Variants in CPED1 observed in about 807,000 individuals in gnomAD.
The protein encoded by CPED1 is cadherin-like and PC-esterase domain-containing protein 1.
A neutral mutation model predicts 128.2 loss-of-function variants in CPED1; 114 were observed. The observed-to-expected ratio is 0.89, with a 90% CI of 0.76 to 1.04. The LOEUF is 1.04. Ranked by LOEUF, CPED1 falls within the 50% of genes least tolerant of loss-of-function variation. The pLI is 0.00. For missense variants in CPED1, 1,211 were observed against 1,207.1 expected (o/e 1.00, Z -0.05); for synonymous variants, 462 against 426.7 (o/e 1.08, Z -1.02).
Position 121,189,760 on chromosome 7 carries a change from TTATA to T in CPED1, c.2056-46919_2056-46916del, listed in dbSNP as rs377035175. 5.3e-3 allele frequency among the ~76,000 whole-genome samples: 253 copies of T among 47,474 alleles called. 3 individuals are homozygous for T. Among genetic ancestry groups the T allele is most frequent in the South Asian group, 0.033 (29 of 888 alleles). 31.1% of individuals were successfully genotyped at this position (47,474 alleles called of 152,430 possible). On this transcript the variant is annotated intron_variant, in intron 16 of 22. Transcript: ENST00000310396. ...TCTTATTTTACTTTCTTATGAGGTT[TTATA>T]TATATATATATATATATATATATAT... is the stretch of plus-strand genomic sequence containing the variant.
chr7:121,219,789 T>C (rs1797838296), intron 16 of CPED1, among the ~76,000 whole-genome samples: 1 of 152,054 alleles, frequency 6.6e-6, no homozygotes, highest in Non-Finnish European at 1.5e-5. Flanking sequence ...TCAAGTTCCA[T>C]TATTTTTAAT....
Position 121,100,141 on chromosome 7 carries a change from A to G in CPED1, c.918+47A>G, listed in dbSNP as rs775978243. On this transcript the variant is annotated intron_variant, in intron 7 of 22. Coordinates refer to ENST00000310396, the MANE Select transcript of CPED1 (RefSeq NM_024913.5). ...TTATTTCACGTAAGTACACTGAAGT[A>G]AAGTAAAGTGAGTTGGGCTGCCATT... 22 of 1,566,482 alleles carry G rather than the reference A, an allele frequency of 1.4e-5. No homozygotes were observed. In the East Asian group the frequency reaches 4.1e-4, roughly 29 times the overall value.
At chr7:121,237,800 G>A (rs892664479) in intron 17 of CPED1, among the ~76,000 whole-genome samples, 1 of 152,090 alleles carries the variant, frequency 6.6e-6, no homozygotes, top group Non-Finnish European at 1.5e-5. Context: ...CAAATGGGCA[G>A]GACAAATTGC....
Position 121,049,476 on chromosome 7 carries a change from C to T in CPED1, c.540+2483C>T, listed in dbSNP as rs116008473. 7.6e-3 allele frequency among the ~76,000 whole-genome samples: 1,163 copies of T among 152,304 alleles called. 18 individuals are homozygous for T. The highest frequency in any genetic ancestry group is 0.027 in the African/African-American group (1,117 of 41,548). ...TCTCTTGCCAGTGCCTCCCATTGGT[C>T]CGAGCTAACTGCTGGTCAAAGGGCA... On this transcript the variant is annotated intron_variant, in intron 4 of 22. Coordinates refer to ENST00000310396, the MANE Select transcript of CPED1 (RefSeq NM_024913.5).
chr7:121,059,211 G>A (rs920447496), intron 4 of CPED1, among the ~76,000 whole-genome samples: 3 of 152,198 alleles, frequency 2.0e-5, no homozygotes, highest in African/African-American at 7.2e-5. Flanking sequence ...AGTCCCTAAA[G>A]CTAGGATGCT....
At chr7:121,280,374 C>T (rs1299886692) in intron 22 of CPED1, among the ~76,000 whole-genome samples, 2 of 152,130 alleles carry the variant, frequency 1.3e-5, no homozygotes, top group Non-Finnish European at 2.9e-5. Flanking sequence ...TGGTCTGGAG[C>T]TCCTTACAAT....
intron 2 of CPED1, among the ~76,000 whole-genome samples, chr7:120,998,371 C>G (rs932792069): frequency 6.6e-6 from 1 of 152,162 alleles, no homozygotes; most frequent in East Asian, 1.9e-4. Context: ...CTTGACCTCT[C>G]TAGGATTTAG....
At chr7:121,252,707 G>C (rs1584633387) in intron 18 of CPED1, among the ~76,000 whole-genome samples, 1 of 152,168 alleles carries the variant, frequency 6.6e-6, no homozygotes, top group Admixed American at 6.5e-5. Flanking sequence ...AAAAACACAC[G>C]AAAAAATGCT....
chr7:121,083,837 T>C (rs1268709644), intron 5 of CPED1: 1 of 152,188 alleles, frequency 6.6e-6, no homozygotes, highest in African/African-American at 2.4e-5. Context: ...CAGCTTTCTG[T>C]CTACAATGTA....
At chr7:121,038,084 C>T (rs1269928126) in intron 3 of CPED1, among the ~76,000 whole-genome samples, 2 of 152,122 alleles carry the variant, frequency 1.3e-5, no homozygotes, top group Non-Finnish European at 2.9e-5. Context: ...CATCAGCAAG[C>T]AGCGACAGTT....
rs115212868 is a variant in CPED1 at position 120,999,761 on chromosome 7, C to T, written c.249+9891C>T. 1.6e-3 allele frequency among the ~76,000 whole-genome samples: 242 copies of T among 152,096 alleles called. 1 individual carries two copies. Among genetic ancestry groups the T allele is most frequent in the African/African-American group, 5.6e-3 (234 of 41,504 alleles). The stretch of plus-strand genomic sequence containing the variant: ...ATTTATCTGAGACAGTTGATTAGAG[C>T]GATGTTAAATTTTTATAATGAAATA... On this transcript the variant is annotated intron_variant, in intron 2 of 22. Coordinates refer to ENST00000310396, the MANE Select transcript of CPED1 (RefSeq NM_024913.5).
At chr7:121,264,554 A>T (rs1416140109) in intron 18 of CPED1, among the ~76,000 whole-genome samples, 1 of 152,038 alleles carries the variant, frequency 6.6e-6, no homozygotes, top group African/African-American at 2.4e-5. Flanking sequence ...CTGAAGGCAA[A>T]TTGGAGAAGC....
intron 7 of CPED1, among the ~76,000 whole-genome samples, chr7:121,114,698 A>G (rs1232145887): frequency 3.3e-5 from 5 of 152,224 alleles, no homozygotes; most frequent in Admixed American, 6.5e-5. Context: ...ATGACTTGCA[A>G]TTCCAATTAG....
rs1238765090 is a variant in CPED1 at position 121,295,772 on chromosome 7, C to T, written c.*120C>T. 3 of 717,204 alleles carry T rather than the reference C, an allele frequency of 4.2e-6. No individual in the cohort carries two copies. The highest frequency in any genetic ancestry group is 2.3e-5 in the Admixed American group (1 of 42,786). 44.4% of individuals were successfully genotyped at this position (717,204 alleles called of 1,614,324 possible). On this transcript the variant is annotated 3_prime_UTR_variant, in exon 23 of 23. Transcript: ENST00000310396. ...GATCGACCACACACACTTGTGCACA[C>T]CAGCACATGCATGCACACCAGTACA...
At chr7:121,130,920 TA>T (rs1795651016) in intron 12 of CPED1, among the ~76,000 whole-genome samples, 1 of 152,080 alleles carries the variant, frequency 6.6e-6, no homozygotes, top group Non-Finnish European at 1.5e-5. Flanking sequence ...CTGAGATGGA[TA>T]AAATTTTATC....
chr7:120,989,685 T>C lies in CPED1; in HGVS notation c.64T>C (p.Leu22=), dbSNP rs1796277303. ...TTGCCCCCGACCCTTCTTGGTGGGC[T>C]TAGTGGTGGCAATCTGTCTCTTCTA... ...RFCPRPFLVG[L]VVAICLFYQT... The change falls in exon 2 of 23, where the codon TTA becomes CTA. Residue 22 remains leucine, a synonymous_variant. Coordinates refer to ENST00000310396, the MANE Select transcript of CPED1 (RefSeq NM_024913.5). The C allele has an allele frequency of 6.2e-7, 1 of 1,613,976 alleles. No homozygotes were observed. Among genetic ancestry groups the C allele is most frequent in the East Asian group, 2.2e-5 (1 of 44,860 alleles).
At chr7:120,993,324 G>GGGAATACATTT (rs1449932419) in intron 2 of CPED1, among the ~76,000 whole-genome samples, 2 of 152,020 alleles carry the variant, frequency 1.3e-5, no homozygotes, top group East Asian at 3.9e-4. Context: ...TTGCTATTTG[G>GGGAATACATTT]GGAATACATT....
intron 16 of CPED1, among the ~76,000 whole-genome samples, chr7:121,182,742 T>C (rs1181562315): frequency 6.6e-6 from 1 of 152,042 alleles, no homozygotes; most frequent in East Asian, 1.9e-4. Context: ...CCGCTTGCTA[T>C]TGGGATTACT....
intron 13 of CPED1, 49 bp downstream of exon 13, chr7:121,133,942 C>A: frequency 1.7e-6 from 2 of 1,174,050 alleles, no homozygotes; most frequent in South Asian, 2.9e-5. Context: ...ATAAGTATTT[C>A]CTGGCAAAAA....
Sources: allele counts gnomAD v4.1 joint callset (sites outside exome capture counted in the v4.1 genomes callset), GRCh38; gene constraint gnomAD v4.1.1; transcripts MANE v1.5; gene names NCBI Gene and HGNC (gene_info 2026-07-23, HGNC 2026-07-21).